KDM4B: variants seen among roughly 807,000 people sequenced by gnomAD.
KDM4B encodes lysine demethylase 4B.
A neutral mutation model predicts 125.2 loss-of-function variants in KDM4B; 32 were observed. The observed-to-expected ratio is 0.26, with a 90% CI of 0.19 to 0.34. The LOEUF (loss-of-function observed/expected upper bound fraction) is 0.34. Ranked by LOEUF, KDM4B falls within the 10% of genes least tolerant of loss-of-function variation. The probability of loss-of-function intolerance (pLI) is 1.00; values close to 1 mark genes in which losing one functional copy is unlikely to be tolerated. For synonymous variants in KDM4B, 721 were observed against 677.9 expected (o/e 1.06, Z -0.99); for missense variants, 1,190 against 1,577.7 (o/e 0.75, Z 4.16).
intron 4 of KDM4B, among the ~76,000 whole-genome samples, chr19:5,040,466 A>G (rs2036774022): frequency 6.6e-6 from 1 of 152,060 alleles, no homozygotes; most frequent in African/African-American, 2.4e-5. Flanking sequence ...ACGGGTACAC[A>G]TGGCACACGC....
intron 6 of KDM4B, among the ~76,000 whole-genome samples, chr19:5,068,640 C>T (rs925520456): frequency 6.6e-5 from 10 of 152,228 alleles, no homozygotes; most frequent in African/African-American, 1.9e-4. Context: ...CCGAGGCCGT[C>T]GCTGGGTTGT....
At chr19:4,987,460 G>A (rs905837318) in intron 1 of KDM4B, among the ~76,000 whole-genome samples, 1 of 152,100 alleles carries the variant, frequency 6.6e-6, no homozygotes, top group Non-Finnish European at 1.5e-5. Flanking sequence ...GTTATCTTGG[G>A]GCAGACATCT....
rs896353412 is a variant in KDM4B, at chr19:5,004,253, G to A, written c.-108-12004G>A. Among the ~76,000 whole-genome samples the A allele has an allele frequency of 5.4e-4, 82 of 152,200 alleles. 1 individual carries two copies. Among genetic ancestry groups the A allele is most frequent in the African/African-American group, 1.7e-3 (70 of 41,528 alleles). On this transcript the variant is annotated intron_variant, in intron 1 of 22. Transcript: ENST00000159111. ...GGAACCCCTCCAGTGCAATGGCCTC[G>A]CCATTTCCACACGCCGGCCCCTGGC... is the stretch of plus-strand genomic sequence containing the variant.
intron 6 of KDM4B, among the ~76,000 whole-genome samples, chr19:5,065,501 T>C (rs1178459518): frequency 6.6e-6 from 1 of 152,242 alleles, no homozygotes; most frequent in East Asian, 1.9e-4. Context: ...CGATAGAAAA[T>C]AGCACATTTG....
intron 11 of KDM4B, among the ~76,000 whole-genome samples, chr19:5,124,300 G>A (rs181128430): frequency 6.6e-6 from 1 of 152,306 alleles, no homozygotes; most frequent in Middle Eastern, 3.4e-3. Flanking sequence ...GGCCGGCGCG[G>A]TGGGGGAAAT....
chr19:5,143,472 C>T (rs951031051), intron 18 of KDM4B, among the ~76,000 whole-genome samples: 2 of 152,184 alleles, frequency 1.3e-5, no homozygotes, highest in Non-Finnish European at 2.9e-5. Context: ...CAGTCGCTCC[C>T]ATCCCCTACC....
chr19:5,138,647 C>T (rs1479830757), intron 18 of KDM4B, among the ~76,000 whole-genome samples: 3 of 152,060 alleles, frequency 2.0e-5, no homozygotes, highest in African/African-American at 7.2e-5. Context: ...CAGAGCCAGG[C>T]ACTGTCTCAA....
intron 10 of KDM4B, among the ~76,000 whole-genome samples, chr19:5,116,454 C>T (rs1362768510): frequency 1.3e-5 from 2 of 152,164 alleles, no homozygotes; most frequent in African/African-American, 4.8e-5. Flanking sequence ...TCGTATTCCA[C>T]CTCCTTTCTC....
chr19:5,127,916 G>A lies in KDM4B; in HGVS notation c.1316-3160G>A, dbSNP rs28667977. Among the ~76,000 whole-genome samples the A allele has an allele frequency of 8.0e-3, 1,209 of 152,018 alleles. 7 individuals are homozygous for A. The highest frequency in any genetic ancestry group is 0.012 in the Non-Finnish European group (849 of 67,958). On this transcript the variant is annotated intron_variant, in intron 11 of 22. Coordinates refer to ENST00000159111, the MANE Select transcript of KDM4B (RefSeq NM_015015.3). ...GAGGATGCCAGCCCCTTAGAGAGGC[G>A]GGGACTCCCCAGGGACCCTCTGAGC...
At position 5,127,885 on chromosome 19, in the gene KDM4B, TC is replaced by T. The variant is rs548132985; in HGVS notation, c.1316-3190del. On this transcript the variant is annotated intron_variant, in intron 11 of 22. Transcript: ENST00000159111. ...CTCAGCTCCCAGGAGGCCCCGTTGG[TC>T]GGGGGAGGATGCCAGCCCCTTAGAG... 1.5e-3 allele frequency among the ~76,000 whole-genome samples: 226 copies of T among 152,202 alleles called. 9 individuals are homozygous for T. The East Asian group carries it at 0.04, about 27-fold the overall frequency.
At chr19:5,148,311 G>A (rs1300525394) in intron 21 of KDM4B, among the ~76,000 whole-genome samples, 1 of 152,240 alleles carries the variant, frequency 6.6e-6, no homozygotes, top group African/African-American at 2.4e-5. Context: ...TGAGTCTCCA[G>A]TCAGCCCCCA....
At chr19:5,150,071 G>A (rs1184696195) in intron 21 of KDM4B, among the ~76,000 whole-genome samples, 1 of 152,224 alleles carries the variant, frequency 6.6e-6, no homozygotes, top group Non-Finnish European at 1.5e-5. Context: ...GGGAGGAGGT[G>A]AGGGGTGAGT....
intron 14 of KDM4B, 112 bp downstream of exon 14, chr19:5,134,173 G>T: frequency 9.7e-7 from 1 of 1,027,150 alleles, no homozygotes; most frequent in African/African-American, 1.6e-5. Flanking sequence ...CAGGGTGTTG[G>T]CCAGCACCCC....
intron 1 of KDM4B, among the ~76,000 whole-genome samples, chr19:5,012,291 C>T (rs569601391): frequency 6.6e-6 from 1 of 152,320 alleles, no homozygotes; most frequent in South Asian, 2.1e-4. Context: ...GAGTTCCCGT[C>T]TCTGCCTGCC....
Position 5,145,827 on chromosome 19 carries a change from C to T in KDM4B, c.3021+925C>T, listed in dbSNP as rs117093210. 8.9e-3 allele frequency among the ~76,000 whole-genome samples: 1,360 copies of T among 152,302 alleles called. 9 individuals carry two copies. Among genetic ancestry groups the T allele is most frequent in the Middle Eastern group, 0.041 (12 of 294 alleles). On this transcript the variant is annotated intron_variant, in intron 21 of 22. Coordinates refer to ENST00000159111, the MANE Select transcript of KDM4B (RefSeq NM_015015.3). ...ACCTCGGGTCACGCGGCGGGTCAGT[C>T]GGTGACGTCCTGGCCTTAGCTCGCA...
rs757078628 is a variant in KDM4B at position 5,114,159 on chromosome 19, C to T, written c.1115+3341C>T. The T allele has an allele frequency of 1.1e-5, 14 of 1,289,650 alleles. No homozygotes were observed. Among genetic ancestry groups the T allele is most frequent in the East Asian group, 5.5e-5 (1 of 18,028 alleles). 79.9% of individuals were successfully genotyped at this position (1,289,650 alleles called of 1,614,324 possible). ...CCCTCACAGTGCTCTCTGGCACCCACGCGACGCTCCTCCATGCAAACTCTT... is the reference window on the plus strand; with the variant it reads ...CCCTCACAGTGCTCTCTGGCACCCATGCGACGCTCCTCCATGCAAACTCTT... On this transcript the variant is annotated intron_variant, in intron 10 of 22. Coordinates refer to ENST00000159111, the MANE Select transcript of KDM4B (RefSeq NM_015015.3). The surrounding 1 kb of genome is among the most constrained non-coding windows in gnomAD (Gnocchi z 5.8).
intron 1 of KDM4B, among the ~76,000 whole-genome samples, chr19:4,980,118 T>TA (rs1361006244): frequency 2.7e-5 from 4 of 148,924 alleles, no homozygotes; most frequent in African/African-American, 5.0e-5. Context: ...AAAAAAAAGA[T>TA]ACAATTTAGT....
intron 1 of KDM4B, among the ~76,000 whole-genome samples, chr19:4,978,884 A>T (rs2034545617): frequency 6.6e-6 from 1 of 152,076 alleles, no homozygotes; most frequent in Non-Finnish European, 1.5e-5. Context: ...TCCGCGTGAG[A>T]GTTGTCAAGT....
chr19:5,143,973 G>A lies in KDM4B; in HGVS notation c.2557G>A (p.Val853Met), dbSNP rs1479735049. Residue 853 changes from valine (V) to methionine (M), a missense_variant, in exon 19 of 23, where the codon GTG becomes ATG. Transcript: ENST00000159111. ...CCTGTGTCCCCATCCCCAGAAATGC[G>A]TGTACTGCCGGAAGCGGATGAAGAA... The part of the protein sequence containing the change: ...IPEQRWKLKC[V>M]YCRKRMKKVS... 2 of 1,580,862 alleles carry A rather than the reference G, an allele frequency of 1.3e-6. No individual in the cohort carries two copies. Among genetic ancestry groups the A allele is most frequent in the East Asian group, 2.3e-5 (1 of 43,966 alleles).
Sources: gnomAD v4.1 joint callset for allele counts (sites outside exome capture counted in the v4.1 genomes callset) on GRCh38, gnomAD v4.1.1 for gene constraint, Gnocchi (gnomAD v3.1) non-coding constraint, MANE v1.5 for transcripts, NCBI Gene and HGNC (gene_info 2026-07-23, HGNC 2026-07-21) for gene names.